The following EREG variants were observed in gnomAD, a reference collection of about 807,000 sequenced individuals.
EREG encodes epiregulin, also known as proepiregulin.
A neutral mutation model predicts 22.4 loss-of-function variants in EREG; 23 were observed. The observed-to-expected ratio is 1.03, with a 90% CI of 0.74 to 1.46. The LOEUF is 1.46. EREG is among the 40% of genes most tolerant of loss of function. The probability of loss-of-function intolerance (pLI) is 0.00; values close to 1 mark genes in which losing one functional copy is unlikely to be tolerated. For missense variants in EREG, 226 were observed against 205.9 expected (o/e 1.10, Z -0.60); for synonymous variants, 100 against 75.4 (o/e 1.33, Z -1.69).
At chr4:74,371,109 A>T (rs1166348686) in intron 1 of EREG, among the ~76,000 whole-genome samples, 1 of 152,160 alleles carries the variant, frequency 6.6e-6, no homozygotes, top group Admixed American at 6.5e-5. Context: ...AATGGTCCCC[A>T]GGAGCAATTT....
intron 2 of EREG, among the ~76,000 whole-genome samples, chr4:74,380,449 G>C (rs1752454918): frequency 6.6e-6 from 1 of 151,974 alleles, no homozygotes. Context: ...TCTCACTCAG[G>C]GTTTGTCTAG....
At chr4:74,365,453 A>G in intron 1 of EREG, 78 bp downstream of exon 1, 2 of 1,323,126 alleles carry the variant, frequency 1.5e-6, no homozygotes, top group Non-Finnish European at 2.1e-6. Context: ...TTGTCATTCG[A>G]CAAGTACGGA....
intron 1 of EREG, among the ~76,000 whole-genome samples, chr4:74,378,037 T>C (rs1752411677): frequency 2.6e-5 from 4 of 152,220 alleles, no homozygotes; most frequent in Non-Finnish European, 2.9e-5. Context: ...AAGTTGAATA[T>C]ATTTTGTTGC....
intron 1 of EREG, among the ~76,000 whole-genome samples, chr4:74,374,705 T>A (rs1752349104): frequency 6.6e-6 from 1 of 151,898 alleles, no homozygotes; most frequent in South Asian, 2.1e-4. Flanking sequence ...GCACTCAACC[T>A]CTCCCACGCG....
At position 74,386,896 on chromosome 4, in the gene EREG, T is replaced by C. The variant is rs1255389665; in HGVS notation, c.*2088T>C. The C allele has an allele frequency of 6.6e-6, 1 of 151,968 alleles. No homozygotes were observed. The highest frequency in any genetic ancestry group is 1.5e-5 in the Non-Finnish European group (1 of 68,074). 9.4% of individuals were successfully genotyped at this position (151,968 alleles called of 1,614,324 possible). On this transcript the variant is annotated 3_prime_UTR_variant, in exon 5 of 5. Coordinates refer to ENST00000244869, the MANE Select transcript of EREG (RefSeq NM_001432.3). ...AACCTCACCTCCCGGGTTCAAGAGATCCTCCTGCCTCAGCCTCCTGAGCAG... is the reference window on the plus strand; with the variant it reads ...AACCTCACCTCCCGGGTTCAAGAGACCCTCCTGCCTCAGCCTCCTGAGCAG...
chr4:74,368,837 T>A (rs895508827), intron 1 of EREG, among the ~76,000 whole-genome samples: 1 of 152,126 alleles, frequency 6.6e-6, no homozygotes, highest in Non-Finnish European at 1.5e-5. Context: ...CACTTCCCAG[T>A]GGTGTAATAG....
At chr4:74,379,919 C>G (rs965369681) in intron 2 of EREG, among the ~76,000 whole-genome samples, 4 of 152,134 alleles carry the variant, frequency 2.6e-5, no homozygotes, top group Admixed American at 1.3e-4. Context: ...CTCTTTCTAC[C>G]CCTCTCTCTC....
rs765534458 is a variant in EREG at position 74,381,015 on chromosome 4, T to C, written c.156T>C (p.Val52=). ...TTCAACTTTCCACTTCTTTTACAGTTCAGACAGAAGACAATCCACGTGTGG... is the reference window on the plus strand; with the variant it reads ...TTCAACTTTCCACTTCTTTTACAGTCCAGACAGAAGACAATCCACGTGTGG... ...GESSDNCTAL[V]QTEDNPRVAQ... The change falls in exon 3 of 5, where the codon GTT becomes GTC. Residue 52 remains valine (V), a splice_region_variant and synonymous_variant. Coordinates refer to ENST00000244869, the MANE Select transcript of EREG (RefSeq NM_001432.3). 1.9e-6 allele frequency: 3 copies of C among 1,612,622 alleles called. No individual in the cohort carries two copies. Among genetic ancestry groups the C allele is most frequent in the Admixed American group, 3.3e-5 (2 of 59,756 alleles).
intron 1 of EREG, among the ~76,000 whole-genome samples, chr4:74,370,931 C>T (rs962973096): frequency 1.3e-5 from 2 of 152,126 alleles, no homozygotes; most frequent in African/African-American, 4.8e-5. Context: ...CAGGGTTTTT[C>T]AACCTTGTCT....
chr4:74,372,502 T>C (rs1229901086), intron 1 of EREG, among the ~76,000 whole-genome samples: 1 of 152,222 alleles, frequency 6.6e-6, no homozygotes, highest in African/African-American at 2.4e-5. Context: ...GAAGGCAAAT[T>C]GCAGACACTT....
intron 1 of EREG, among the ~76,000 whole-genome samples, chr4:74,369,845 T>A (rs747778599): frequency 6.6e-6 from 1 of 152,006 alleles, no homozygotes. Flanking sequence ...TTGTCCACAA[T>A]AACCTTGTCA....
intron 1 of EREG, among the ~76,000 whole-genome samples, chr4:74,366,376 C>G (rs1393955079): frequency 6.6e-6 from 1 of 152,060 alleles, no homozygotes; most frequent in South Asian, 2.1e-4. Flanking sequence ...TTTGGCACAC[C>G]TTATCTCAGG....
chr4:74,379,023 CTTG>C (rs1027725354), intron 1 of EREG, among the ~76,000 whole-genome samples: 6 of 152,128 alleles, frequency 3.9e-5, no homozygotes, highest in African/African-American at 7.2e-5. Context: ...GGTTGAGTTT[CTTG>C]TTGTTACTGT....
Position 74,387,766 on chromosome 4 carries a change from C to A in EREG, c.*2958C>A, listed in dbSNP as rs1436614585. ...TATGCATATTCAATGTATTGAGAAC[C>A]AAAGCAACCACAAATGCATAAATGC... On this transcript the variant is annotated 3_prime_UTR_variant, in exon 5 of 5. Transcript: ENST00000244869. The A allele has an allele frequency of 1.3e-5, 2 of 152,060 alleles. No homozygotes were observed. The highest frequency in any genetic ancestry group is 2.9e-5 in the Non-Finnish European group (2 of 67,986). The allele number at this position is 152,060 out of a possible 1,614,324, so 9.4% of individuals were successfully genotyped here.
At chr4:74,367,966 C>T (rs1752214991) in intron 1 of EREG, among the ~76,000 whole-genome samples, 1 of 152,158 alleles carries the variant, frequency 6.6e-6, no homozygotes, top group Non-Finnish European at 1.5e-5. Context: ...ACATCATCAC[C>T]TCTACTTCTT....
intron 3 of EREG, chr4:74,381,820 CAAAAAAAAA>C (rs574111716): frequency 4.3e-4 from 58 of 135,696 alleles, no homozygotes; most frequent in South Asian, 1.5e-3. Flanking sequence ...ACTAAAAATA[CAAAAAAAAA>C]AAAAAATTAG....
chr4:74,365,320 G>T lies in EREG; in HGVS notation c.12G>T (p.Gly4=), dbSNP rs765200232. Residue 4 remains glycine, a synonymous_variant, in exon 1 of 5, where the codon GGG becomes GGT. Transcript: ENST00000244869. MTA[G]RRMEMLCAGR... ...CGCTCCCATCGCCGATGACCGCGGGGAGGAGGATGGAGATGCTCTGTGCCG... is the reference window on the plus strand; with the variant it reads ...CGCTCCCATCGCCGATGACCGCGGGTAGGAGGATGGAGATGCTCTGTGCCG... 20 of 1,606,398 alleles carry T rather than the reference G, an allele frequency of 1.2e-5. No homozygotes were observed. In the South Asian group the frequency reaches 2.2e-4, roughly 18 times the overall value.
Position 74,381,047 on chromosome 4 carries a change from T to C in EREG, c.188T>C (p.Val63Ala). The C allele has an allele frequency of 6.2e-7, 1 of 1,613,852 alleles. No individual in the cohort carries two copies. The highest frequency in any genetic ancestry group is 8.5e-7 in the Non-Finnish European group (1 of 1,179,858). The change falls in exon 3 of 5, where the codon GTG (valine) becomes GCG (alanine). Residue 63 changes from valine to alanine, a missense_variant. Val to Ala is a moderately conservative substitution (Grantham distance 64). Coordinates refer to ENST00000244869, the MANE Select transcript of EREG (RefSeq NM_001432.3). ...QTEDNPRVAQ[V>A]SITKCSSDMN... ...GAAGACAATCCACGTGTGGCTCAAG[T>C]GTCAATAACAAAGTGTAGCTCTGAC...
chr4:74,378,870 C>T (rs11933257), intron 1 of EREG, among the ~76,000 whole-genome samples: 150,726 of 152,310 alleles, frequency 0.99, 74,584 homozygotes, highest in East Asian at 1. Context: ...TATGGTTCAT[C>T]TGGGATGCCT....
Sources: allele counts gnomAD v4.1 joint callset (sites outside exome capture counted in the v4.1 genomes callset), GRCh38; gene constraint gnomAD v4.1.1; transcripts MANE v1.5; gene names NCBI Gene and HGNC (gene_info 2026-07-23, HGNC 2026-07-21).